FMR1NB: variants seen among roughly 807,000 people sequenced by gnomAD.
FMR1NB encodes FMR1 neighbor protein.
FMR1NB carries 10 observed loss-of-function variants against 16.8 expected under a neutral mutation model. The ratio of observed to expected loss-of-function variants is 0.60; its 90% confidence interval spans 0.37 to 1.01. FMR1NB has a LOEUF of 1.01. Among genes scored for constraint, FMR1NB ranks in the 50% least tolerant of loss-of-function variants. FMR1NB has a pLI of 0.01. For synonymous variants in FMR1NB, 83 were observed against 79.1 expected (o/e 1.05, Z -0.26); for missense variants, 205 against 204.8 (o/e 1.00, Z 0.00).
At chrX:148,000,878 A>G (rs2044566868) in intron 1 of FMR1NB, among the ~76,000 whole-genome samples, 2 of 111,985 alleles carry the variant, frequency 1.8e-5, no homozygotes, top group Admixed American at 1.9e-4. Context: ...TCTAGGCAAT[A>G]CAGTGAAAGA....
At chrX:148,025,475 T>C (rs2044699338) in intron 5 of FMR1NB, among the ~76,000 whole-genome samples, 1 of 111,706 alleles carries the variant, frequency 9.0e-6, no homozygotes, top group Non-Finnish European at 1.9e-5. Flanking sequence ...GATGTAGTGT[T>C]AGAAGAGGTT....
chrX:148,016,579 GAT>G (rs1158469302), intron 4 of FMR1NB, among the ~76,000 whole-genome samples: 4 of 111,552 alleles, frequency 3.6e-5, no homozygotes, highest in African/African-American at 1.3e-4. Flanking sequence ...TTTCTCTGGT[GAT>G]ATGATTTAGT....
intron 2 of FMR1NB, 41 bp from the exon 3 acceptor site, chrX:148,006,661 A>C (rs2124621662): frequency 8.5e-7 from 1 of 1,173,893 alleles, no homozygotes; most frequent in East Asian, 3.0e-5. Context: ...GTGGTAACTA[A>C]CCATGCTGAA....
intron 1 of FMR1NB, among the ~76,000 whole-genome samples, chrX:147,985,060 T>C (rs1381840028): frequency 8.9e-6 from 1 of 111,867 alleles, no homozygotes. Flanking sequence ...AATACGCTGT[T>C]GCATTTGGTT....
chrX:147,988,334 G>GC (rs199722167), intron 1 of FMR1NB, among the ~76,000 whole-genome samples: 16,056 of 110,809 alleles, frequency 0.14, 1,643 homozygotes, highest in African/African-American at 0.36. Context: ...TTAAATATTG[G>GC]CCCCACTCTA....
Position 147,981,593 on chromosome X carries a change from G to A in FMR1NB, c.191G>A (p.Arg64Gln), listed in dbSNP as rs782545717. 81 of 1,209,267 alleles carry A rather than the reference G, an allele frequency of 6.7e-5. No individual in the cohort carries two copies. In the Admixed American group the frequency reaches 1.4e-3, roughly 20 times the overall value. The change falls in exon 1 of 6, where the codon CGG becomes CAG. Residue 64 changes from arginine to glutamine, a missense_variant. Transcript: ENST00000370467. ...QPGWRESLKM[R>Q]VSKPFGMLML... The stretch of plus-strand genomic sequence containing the variant: ...GGATGGCGGGAATCTCTAAAGATGC[G>A]GGTCAGCAAACCCTTTGGGATGCTC...
rs782132454 is a variant in FMR1NB, at chrX:148,007,481, G to A, written c.538+639G>A. 2.7e-5 allele frequency among the ~76,000 whole-genome samples: 3 copies of A among 111,222 alleles called. No individual in the cohort carries two copies. The East Asian group carries it at 8.5e-4, about 32-fold the overall frequency. On this transcript the variant is annotated intron_variant, in intron 3 of 5. Coordinates refer to ENST00000370467, the MANE Select transcript of FMR1NB (RefSeq NM_152578.3). ...ATTTTTAGTTTTTTTGTAGAGACAA[G>A]GTCTCCCTAGGCTTCCCAGGCTGGT...
intron 1 of FMR1NB, among the ~76,000 whole-genome samples, chrX:147,987,729 G>T (rs1180091161): frequency 2.7e-5 from 3 of 111,737 alleles, no homozygotes; most frequent in Non-Finnish European, 5.6e-5. Context: ...TGTATTGGGT[G>T]CATATGTATT....
At chrX:148,014,852 C>A (rs1029661574) in intron 4 of FMR1NB, among the ~76,000 whole-genome samples, 2 of 111,394 alleles carry the variant, frequency 1.8e-5, no homozygotes, top group Non-Finnish European at 3.8e-5. Context: ...ACCATGTTGC[C>A]CAGGCTGGTC....
Position 148,018,175 on chromosome X carries a change from A to G in FMR1NB, c.633-6690A>G, listed in dbSNP as rs1425996104. On this transcript the variant is annotated intron_variant, in intron 4 of 5. Coordinates refer to ENST00000370467, the MANE Select transcript of FMR1NB (RefSeq NM_152578.3). ...CCACCAACAGTGTGAAAGTGTTCCTATTTCTCCACATCCTCTCCAGCACCT... is the reference window on the plus strand; with the variant it reads ...CCACCAACAGTGTGAAAGTGTTCCTGTTTCTCCACATCCTCTCCAGCACCT... Among the ~76,000 whole-genome samples, 111 of 110,528 alleles carry G rather than the reference A, an allele frequency of 1.0e-3. 1 individual carries two copies. Among genetic ancestry groups the G allele is most frequent in the African/African-American group, 3.3e-3 (100 of 29,908 alleles).
rs782543616 is a variant in FMR1NB at position 148,024,925 on chromosome X, A to G, written c.693A>G (p.Gln231=). Residue 231 remains glutamine, a synonymous_variant, in exon 5 of 6, where the codon CAA becomes CAG. Coordinates refer to ENST00000370467, the MANE Select transcript of FMR1NB (RefSeq NM_152578.3). ...GAGTTGTAACGGGTTTGAAGAAACA[A>G]AGAAGGAAGCGAAAGAGGAAGTCTG... The part of the protein sequence containing the change: ...DNRVVTGLKK[Q]RRKRKRKSEM... 1.2e-5 allele frequency: 14 copies of G among 1,211,461 alleles called. No homozygotes were observed. Among genetic ancestry groups the G allele is most frequent in the Non-Finnish European group, 1.6e-5 (14 of 895,171 alleles).
intron 2 of FMR1NB, among the ~76,000 whole-genome samples, chrX:148,004,796 A>C (rs1293119514): frequency 8.9e-6 from 1 of 112,893 alleles, no homozygotes; most frequent in Non-Finnish European, 1.9e-5. Context: ...CCTTTGGACA[A>C]AATTACATAC....
At chrX:148,022,467 G>T (rs1557190674) in intron 4 of FMR1NB, among the ~76,000 whole-genome samples, 1 of 112,413 alleles carries the variant, frequency 8.9e-6, no homozygotes, top group Non-Finnish European at 1.9e-5. Flanking sequence ...TATGTCTCTA[G>T]TACTTAGAAT....
intron 1 of FMR1NB, among the ~76,000 whole-genome samples, chrX:147,992,919 C>G (rs1408954114): frequency 5.0e-5 from 5 of 99,819 alleles, no homozygotes; most frequent in Middle Eastern, 9.9e-3. Context: ...CGGAGATGCT[C>G]CTCACTTTCC....
chrX:148,022,857 A>G (rs1009823732), intron 4 of FMR1NB, among the ~76,000 whole-genome samples: 5 of 111,997 alleles, frequency 4.5e-5, no homozygotes, highest in Admixed American at 9.4e-5. Flanking sequence ...GATAAAGAAA[A>G]CATAGTCATT....
At chrX:148,021,721 C>A (rs1399854465) in intron 4 of FMR1NB, among the ~76,000 whole-genome samples, 1 of 110,905 alleles carries the variant, frequency 9.0e-6, no homozygotes, top group African/African-American at 3.3e-5. Context: ...CAAAACTGAA[C>A]CTCTGAATCT....
chrX:147,997,609 G>A (rs2044548536), intron 1 of FMR1NB, among the ~76,000 whole-genome samples: 1 of 111,734 alleles, frequency 8.9e-6, no homozygotes, highest in African/African-American at 3.3e-5. Flanking sequence ...TTGACAAATG[G>A]GATCTAATTA....
intron 1 of FMR1NB, among the ~76,000 whole-genome samples, chrX:147,996,184 T>A (rs1557188141): frequency 1.8e-5 from 2 of 111,894 alleles, no homozygotes; most frequent in South Asian, 7.4e-4. Context: ...AAAATAAATA[T>A]CCTGAAAACA....
At chrX:148,025,547 G>T (rs782258544) in intron 5 of FMR1NB, among the ~76,000 whole-genome samples, 1 of 111,544 alleles carries the variant, frequency 9.0e-6, no homozygotes, top group African/African-American at 3.3e-5. Context: ...CTTGTACAGG[G>T]TTATAGATCC....
Sources: allele counts gnomAD v4.1 joint callset (sites outside exome capture counted in the v4.1 genomes callset), GRCh38; gene constraint gnomAD v4.1.1; transcripts MANE v1.5; gene names NCBI Gene and HGNC (gene_info 2026-07-23, HGNC 2026-07-21).